TMTC4: variants seen among roughly 807,000 people sequenced by gnomAD.
TMTC4 encodes protein O-mannosyl-transferase TMTC4.
TMTC4 carries 65 observed loss-of-function variants against 86.0 expected under a neutral mutation model. The observed-to-expected ratio is 0.76, with a 90% CI of 0.62 to 0.93. The LOEUF (loss-of-function observed/expected upper bound fraction) is 0.93, where lower values mean the gene tolerates loss of function less well. Among genes scored for constraint, TMTC4 ranks in the 40% least tolerant of loss-of-function variants. The probability of loss-of-function intolerance (pLI) is 0.00; values close to 1 mark genes in which losing one functional copy is unlikely to be tolerated. For missense variants in TMTC4, 866 were observed against 948.1 expected (o/e 0.91, Z 1.14); for synonymous variants, 379 against 382.5 (o/e 0.99, Z 0.11).
chr13:100,661,609 T>C (rs1052623116), intron 5 of TMTC4, among the ~76,000 whole-genome samples: 3 of 152,212 alleles, frequency 2.0e-5, no homozygotes, highest in Admixed American at 6.5e-5. Context: ...AAAGAGCTTA[T>C]AACTAAATTT....
At chr13:100,612,565 A>G in intron 16 of TMTC4, 55 bp from the exon 17 acceptor site, 1 of 1,322,476 alleles carries the variant, frequency 7.6e-7, no homozygotes, top group Admixed American at 1.8e-5. Context: ...CTCGCATTTT[A>G]GCTTCTCTCT....
intron 6 of TMTC4, among the ~76,000 whole-genome samples, chr13:100,654,044 A>C (rs1264730227): frequency 2.6e-5 from 4 of 152,248 alleles, no homozygotes; most frequent in African/African-American, 9.6e-5. Context: ...AAGAGGGTTC[A>C]TGTTAACAAG....
At chr13:100,619,200 G>A (rs969234177) in intron 15 of TMTC4, among the ~76,000 whole-genome samples, 20 of 152,268 alleles carry the variant, frequency 1.3e-4, no homozygotes, top group Admixed American at 5.9e-4. Context: ...TGGATGGGGC[G>A]GCCGGCCGGG....
Position 100,674,764 on chromosome 13 carries a change from G to A in TMTC4, c.-228C>T. 12 of 983,736 alleles carry A rather than the reference G, an allele frequency of 1.2e-5. No individual in the cohort carries two copies. The highest frequency in any genetic ancestry group is 1.4e-5 in the Non-Finnish European group (12 of 829,300). 60.9% of individuals were successfully genotyped at this position (983,736 alleles called of 1,614,324 possible). A position where few individuals can be genotyped will look rare whatever the true frequency, so the allele number is the denominator to read the frequency against. ...GTTACCTGCAAGGAGCCTGAGCCCC[G>A]GCCGCATCTCCCTCCCGGGTGCGGA... On this transcript the variant is annotated 5_prime_UTR_variant, in exon 1 of 19. Transcript: ENST00000342624.
At chr13:100,613,235 C>T (rs979321037) in intron 16 of TMTC4, among the ~76,000 whole-genome samples, 17 of 152,176 alleles carry the variant, frequency 1.1e-4, no homozygotes, top group African/African-American at 4.1e-4. Flanking sequence ...ATCTTTATCC[C>T]CGCCCCCTTC....
At position 100,618,436 on chromosome 13, in the gene TMTC4, A is replaced by C. The variant is rs553663021; in HGVS notation, c.1837-4006T>G. Among the ~76,000 whole-genome samples the C allele has an allele frequency of 1.7e-3, 243 of 144,416 alleles. 2 individuals carry two copies. Among genetic ancestry groups the C allele is most frequent in the African/African-American group, 5.4e-3 (213 of 39,394 alleles). 94.7% of individuals were successfully genotyped at this position (144,416 alleles called of 152,430 possible). ...TCCATTTCTCAAGGGGAATGCTTCCAGATTTTTGTTGCTTCTTGTTTTTTT... is the reference window on the plus strand; with the variant it reads ...TCCATTTCTCAAGGGGAATGCTTCCCGATTTTTGTTGCTTCTTGTTTTTTT... On this transcript the variant is annotated intron_variant, in intron 15 of 18. Transcript: ENST00000342624.
At position 100,611,800 on chromosome 13, in the gene TMTC4, A is replaced by G. The variant is rs114512123; in HGVS notation, c.2064+598T>C. On this transcript the variant is annotated intron_variant, in intron 17 of 18. Transcript: ENST00000342624. Reference sequence around the variant, plus strand: ...TATTCCTGCTCCACCCTGGCTGCCAACTGGAGCAAAGATTTAGTATCTTGT... The same window carrying G: ...TATTCCTGCTCCACCCTGGCTGCCAGCTGGAGCAAAGATTTAGTATCTTGT... 3.9e-3 allele frequency among the ~76,000 whole-genome samples: 589 copies of G among 152,264 alleles called. 4 individuals carry two copies. The highest frequency in any genetic ancestry group is 0.014 in the African/African-American group (566 of 41,530).
chr13:100,628,438 A>G (rs1013773263), intron 12 of TMTC4, among the ~76,000 whole-genome samples: 3 of 152,210 alleles, frequency 2.0e-5, no homozygotes, highest in African/African-American at 7.2e-5. Flanking sequence ...GCTATTGTGA[A>G]TAACGCTGCT....
chr13:100,657,053 C>G (rs1019596227), intron 5 of TMTC4, among the ~76,000 whole-genome samples: 1 of 152,156 alleles, frequency 6.6e-6, no homozygotes, highest in East Asian at 1.9e-4. Context: ...TGGACACAGA[C>G]GGCGATATGC....
At chr13:100,613,229 T>C (rs186424552) in intron 16 of TMTC4, among the ~76,000 whole-genome samples, 42 of 152,320 alleles carry the variant, frequency 2.8e-4, no homozygotes, top group Non-Finnish European at 6.0e-4. Flanking sequence ...CAGCCTATCT[T>C]TATCCCCGCC....
rs1170779232 is a variant in TMTC4 at position 100,637,985 on chromosome 13, T to G, written c.779A>C (p.Lys260Thr). 3 of 1,614,026 alleles carry G rather than the reference T, an allele frequency of 1.9e-6. No individual in the cohort carries two copies. Among genetic ancestry groups the G allele is most frequent in the East Asian group, 4.5e-5 (2 of 44,878 alleles). The part of the protein sequence containing the change: ...NAVFDILVIG[K>T]FNVLEIVQKV... The stretch of plus-strand genomic sequence containing the variant: ...CTGGACAATTTCCAGAACATTGAAT[T>G]TGCCTATCACCAAGATGTCAAATAC... The change falls in exon 8 of 19, where the codon AAA becomes ACA. Residue 260 changes from lysine to threonine, a missense_variant. By Grantham distance (78) the Lys-to-Thr change is moderately conservative. Transcript: ENST00000342624.
intron 12 of TMTC4, among the ~76,000 whole-genome samples, chr13:100,634,314 T>G (rs777354776): frequency 6.6e-6 from 1 of 152,186 alleles, no homozygotes; most frequent in African/African-American, 2.4e-5. Context: ...AAATGTGTAC[T>G]ATTGTGCAGC....
At chr13:100,674,932 C>T (rs1887682117), upstream of TMTC4, 2 of 985,332 alleles carry the variant, frequency 2.0e-6, no homozygotes. Context: ...CCGCCCCCTC[C>T]GCCCGACCAT....
chr13:100,623,358 C>T (rs1264963194), intron 15 of TMTC4, among the ~76,000 whole-genome samples: 2 of 152,190 alleles, frequency 1.3e-5, no homozygotes, highest in East Asian at 3.8e-4. Flanking sequence ...TCAGCCTCCC[C>T]AGCAGCTGGG....
chr13:100,625,686 C>A lies in TMTC4; in HGVS notation c.1695-10G>T. 6.2e-7 allele frequency: 1 copy of A among 1,613,330 alleles called. No homozygotes were observed. Among genetic ancestry groups the A allele is most frequent in the Non-Finnish European group, 8.5e-7 (1 of 1,179,440 alleles). ...AGCGGCAAAGTCTGGCCTAGAGGAG[C>A]AGTTTTAACAAAGATAAACAAGAAG... On this transcript the variant is annotated splice_polypyrimidine_tract_variant and intron_variant, in intron 14 of 18. Coordinates refer to ENST00000342624, the MANE Select transcript of TMTC4 (RefSeq NM_032813.5).
chr13:100,616,956 GGTC>G (rs1372455348), intron 15 of TMTC4, among the ~76,000 whole-genome samples: 1 of 152,090 alleles, frequency 6.6e-6, no homozygotes, highest in Non-Finnish European at 1.5e-5. Flanking sequence ...CCATTCTGTA[GGTC>G]GTCTGTTTAC....
At chr13:100,642,612 C>T (rs1382084231) in intron 6 of TMTC4, among the ~76,000 whole-genome samples, 3 of 152,116 alleles carry the variant, frequency 2.0e-5, no homozygotes, top group Non-Finnish European at 4.4e-5. Flanking sequence ...TACCTTCTTC[C>T]CAACCTACCA....
Position 100,635,558 on chromosome 13 carries a change from A to G in TMTC4, c.1203-363T>C, listed in dbSNP as rs533009927. ...CAGTTCAGTGGATATTGTTGGTCTCAATTAATTCAAAAACTGTCCCAATCA... is the reference window on the plus strand; with the variant it reads ...CAGTTCAGTGGATATTGTTGGTCTCGATTAATTCAAAAACTGTCCCAATCA... On this transcript the variant is annotated intron_variant, in intron 10 of 18. Coordinates refer to ENST00000342624, the MANE Select transcript of TMTC4 (RefSeq NM_032813.5). 16 of 160,020 alleles carry G rather than the reference A, an allele frequency of 1.0e-4. No individual in the cohort carries two copies. In the South Asian group the frequency reaches 3.0e-3, roughly 30 times the overall value. The allele number at this position is 160,020 out of a possible 1,614,324, so 9.9% of individuals were successfully genotyped here.
intron 16 of TMTC4, 142 bp from the exon 17 acceptor site, chr13:100,612,652 A>AAC (rs1244255162): frequency 2.0e-6 from 1 of 496,282 alleles, no homozygotes; most frequent in East Asian, 3.7e-5. Flanking sequence ...TAGATCATGT[A>AAC]ATACACACAC....
Sources: allele counts gnomAD v4.1 joint callset (sites outside exome capture counted in the v4.1 genomes callset), GRCh38; gene constraint gnomAD v4.1.1; transcripts MANE v1.5; gene names NCBI Gene and HGNC (gene_info 2026-07-23, HGNC 2026-07-21).